Variants in RORA observed in about 807,000 individuals in gnomAD.
The protein encoded by RORA is RAR related orphan receptor A.
RORA carries 7 observed loss-of-function variants against 69.5 expected under a neutral mutation model. That is an observed-to-expected ratio of 0.10 (90% CI 0.06 to 0.19). RORA has a LOEUF of 0.19. Among genes scored for constraint, RORA ranks in the 10% least tolerant of loss-of-function variants. RORA has a pLI of 1.00. For synonymous variants in RORA, 261 were observed against 240.8 expected (o/e 1.08, Z -0.78); for missense variants, 457 against 663.0 (o/e 0.69, Z 3.41).
chr15:60,816,167 G>A (rs1309982245), intron 1 of RORA, among the ~76,000 whole-genome samples: 2 of 75,500 alleles, frequency 2.6e-5, no homozygotes, highest in Non-Finnish European at 4.8e-5. Context: ...TTTATATACT[G>A]TAAACAGTAT....
chr15:60,827,353 C>T (rs2072978857), intron 1 of RORA, among the ~76,000 whole-genome samples: 1 of 152,206 alleles, frequency 6.6e-6, no homozygotes, highest in Non-Finnish European at 1.5e-5. Flanking sequence ...CTTGAAAGAA[C>T]AGGAGCTTTA....
intron 1 of RORA, among the ~76,000 whole-genome samples, chr15:61,043,592 T>C (rs1896884041): frequency 6.6e-6 from 1 of 152,188 alleles, no homozygotes; most frequent in Non-Finnish European, 1.5e-5. Flanking sequence ...TAATTCCACC[T>C]AACCATAGAA....
chr15:61,024,170 A>G (rs994530512), intron 1 of RORA, among the ~76,000 whole-genome samples: 1 of 152,136 alleles, frequency 6.6e-6, no homozygotes, highest in African/African-American at 2.4e-5. Flanking sequence ...ACACCAGCAT[A>G]ACAGGGGAAC....
At chr15:61,016,392 G>C (rs1895290140) in intron 1 of RORA, among the ~76,000 whole-genome samples, 1 of 152,168 alleles carries the variant, frequency 6.6e-6, no homozygotes, top group Admixed American at 6.5e-5. Context: ...GCAGAAAATG[G>C]TCTCCCAGGA....
intron 2 of RORA, among the ~76,000 whole-genome samples, chr15:60,591,425 C>G (rs1022821206): frequency 2.0e-5 from 3 of 152,192 alleles, no homozygotes; most frequent in Non-Finnish European, 4.4e-5. Flanking sequence ...TTAGCTTTCC[C>G]ATCAGAAAGT....
intron 1 of RORA, among the ~76,000 whole-genome samples, chr15:60,743,489 A>G (rs2071605074): frequency 6.6e-6 from 1 of 152,252 alleles, no homozygotes; most frequent in South Asian, 2.1e-4. Flanking sequence ...GACTAAGACC[A>G]TCATAAGAAA....
chr15:60,721,184 T>C (rs551410994), intron 1 of RORA, among the ~76,000 whole-genome samples: 2 of 152,272 alleles, frequency 1.3e-5, no homozygotes, highest in South Asian at 2.1e-4. Context: ...GTTCTTTGAC[T>C]AAACATCTCG....
Position 61,171,711 on chromosome 15 carries a change from G to A in RORA, c.166+57342C>T, listed in dbSNP as rs867437648. ...CTGCTCCTGGAGGTGGCCCCCATTG[G>A]GAATCTTAGCTTTACTGGCTACATC... On this transcript the variant is annotated intron_variant, in intron 1 of 10. Coordinates refer to ENST00000335670, the MANE Select transcript of RORA (RefSeq NM_134261.3). Among the ~76,000 whole-genome samples, 3 of 152,296 alleles carry A rather than the reference G, an allele frequency of 2.0e-5. No individual in the cohort carries two copies. The South Asian group carries it at 6.2e-4, about 32-fold the overall frequency.
At chr15:61,102,129 G>A (rs896496706) in intron 1 of RORA, among the ~76,000 whole-genome samples, 66 of 152,112 alleles carry the variant, frequency 4.3e-4, no homozygotes, top group Non-Finnish European at 5.0e-4. Flanking sequence ...TCTGCACCCC[G>A]GCCCGTGTCA....
chr15:61,056,572 T>C (rs2078099643), intron 1 of RORA, among the ~76,000 whole-genome samples: 1 of 152,234 alleles, frequency 6.6e-6, no homozygotes, highest in African/African-American at 2.4e-5. Flanking sequence ...CTGGCTTTTA[T>C]GAAAGCCAAA....
At position 60,944,983 on chromosome 15, in the gene RORA, G is replaced by A. The variant is rs187393572; in HGVS notation, c.167-266297C>T. ...CAGCTCAGAGATATAACAGATGCCC[G>A]ATAGGAGCAAAATGAAAGATTGAAA... On this transcript the variant is annotated intron_variant, in intron 1 of 10. Coordinates refer to ENST00000335670, the MANE Select transcript of RORA (RefSeq NM_134261.3). Among the ~76,000 whole-genome samples, 575 of 152,204 alleles carry A rather than the reference G, an allele frequency of 3.8e-3. 1 individual carries two copies. The highest frequency in any genetic ancestry group is 6.5e-3 in the Non-Finnish European group (440 of 68,016).
At chr15:60,617,191 T>C (rs2069267180) in intron 2 of RORA, among the ~76,000 whole-genome samples, 1 of 152,192 alleles carries the variant, frequency 6.6e-6, no homozygotes, top group Non-Finnish European at 1.5e-5. Flanking sequence ...AGTGTTATAG[T>C]CACAGAACCC....
Position 61,128,185 on chromosome 15 carries a change from C to CTG in RORA, c.166+100866_166+100867dup, listed in dbSNP as rs1037158916. Among the ~76,000 whole-genome samples the CTG allele has an allele frequency of 2.0e-5, 3 of 147,754 alleles. No individual in the cohort carries two copies. Among genetic ancestry groups the CTG allele is most frequent in the Admixed American group, 6.8e-5 (1 of 14,704 alleles). ...GTATATTTTCCCTATATCATAATTG[C>CTG]TGTGTGTGTGTATGCACACGTGTGT... On this transcript the variant is annotated intron_variant, in intron 1 of 10. Transcript: ENST00000335670. This position sits in a 1 kb window ranked among gnomAD's most constrained non-coding sequence, Gnocchi z 4.5.
chr15:60,787,863 T>A (rs1348594906), intron 1 of RORA, among the ~76,000 whole-genome samples: 1 of 152,150 alleles, frequency 6.6e-6, no homozygotes, highest in Admixed American at 6.5e-5. Context: ...AGAAAAACCA[T>A]TCATTCATGT....
intron 1 of RORA, among the ~76,000 whole-genome samples, chr15:60,713,596 C>T (rs1195249041): frequency 6.6e-6 from 1 of 152,166 alleles, no homozygotes; most frequent in Non-Finnish European, 1.5e-5. Context: ...TCAACCAAGT[C>T]ATATTCAGCC....
At chr15:61,113,699 G>A (rs952210716) in intron 1 of RORA, among the ~76,000 whole-genome samples, 8 of 152,070 alleles carry the variant, frequency 5.3e-5, no homozygotes, top group African/African-American at 1.7e-4. Context: ...ACACACGCAC[G>A]TGTGCACACA....
At chr15:60,962,165 A>G (rs1893432603) in intron 1 of RORA, among the ~76,000 whole-genome samples, 1 of 152,222 alleles carries the variant, frequency 6.6e-6, no homozygotes, top group Admixed American at 6.5e-5. Flanking sequence ...CAATTATCAC[A>G]GTGCAAATGA....
At chr15:60,893,196 C>A (rs561852107) in intron 1 of RORA, among the ~76,000 whole-genome samples, 2 of 152,310 alleles carry the variant, frequency 1.3e-5, no homozygotes, top group South Asian at 4.1e-4. Context: ...TGAGAATTCC[C>A]AGAACTGGAA....
At chr15:61,093,989 T>C (rs1181801120) in intron 1 of RORA, among the ~76,000 whole-genome samples, 2 of 152,196 alleles carry the variant, frequency 1.3e-5, no homozygotes, top group Admixed American at 6.5e-5. Context: ...TCAAGGCACG[T>C]GATGGCCAGA....
Sources: allele counts gnomAD v4.1 joint callset (sites outside exome capture counted in the v4.1 genomes callset), GRCh38; gene constraint gnomAD v4.1.1; non-coding constraint Gnocchi (gnomAD v3.1); transcripts MANE v1.5; gene names NCBI Gene and HGNC (gene_info 2026-07-23, HGNC 2026-07-21).